AUTS2: variants seen among roughly 807,000 people sequenced by gnomAD.
AUTS2 encodes autism susceptibility gene 2 protein.
A neutral mutation model predicts 112.4 loss-of-function variants in AUTS2; 17 were observed. That is an observed-to-expected ratio of 0.15 (90% CI 0.10 to 0.23). The LOEUF is 0.23. AUTS2 is among the 10% of genes least tolerant of loss of function. The pLI is 1.00. For synonymous variants in AUTS2, 751 were observed against 702.7 expected, an observed-to-expected ratio of 1.07 and a Z score of -1.09; for missense variants, 1,510 against 1,701.6, an observed-to-expected ratio of 0.89 and a Z score of 1.98.
At chr7:70,610,277 G>A (rs965822013) in intron 5 of AUTS2, among the ~76,000 whole-genome samples, 2 of 152,000 alleles carry the variant, frequency 1.3e-5, no homozygotes, top group Admixed American at 6.6e-5. Flanking sequence ...GGGATTATAA[G>A]CATGAGCCAC....
chr7:70,606,491 G>A (rs1367493844), intron 5 of AUTS2, among the ~76,000 whole-genome samples: 2 of 152,164 alleles, frequency 1.3e-5, no homozygotes, highest in African/African-American at 2.4e-5. Context: ...GGTGAAAAAA[G>A]TAGACATGAA....
chr7:70,468,849 C>A (rs1210899376), intron 5 of AUTS2, among the ~76,000 whole-genome samples: 2 of 152,104 alleles, frequency 1.3e-5, no homozygotes, highest in Non-Finnish European at 2.9e-5. Context: ...TCCCTCTTCT[C>A]AAGGTCTTCG....
At chr7:69,734,026 A>G (rs1786919823) in intron 1 of AUTS2, among the ~76,000 whole-genome samples, 1 of 152,164 alleles carries the variant, frequency 6.6e-6, no homozygotes. Context: ...GCTCTGAGGC[A>G]AAGCTGGTAA....
At chr7:70,342,330 T>C (rs1585037394) in intron 4 of AUTS2, among the ~76,000 whole-genome samples, 1 of 152,086 alleles carries the variant, frequency 6.6e-6, no homozygotes, top group South Asian at 2.1e-4. Flanking sequence ...TTTCTTTTTT[T>C]TTTTTTGCGG....
chr7:70,310,923 A>T (rs948290925), intron 4 of AUTS2, among the ~76,000 whole-genome samples: 28 of 152,254 alleles, frequency 1.8e-4, no homozygotes, highest in African/African-American at 5.3e-4. Context: ...GGATTTTTTT[A>T]AAAAATGGCA....
chr7:69,895,052 C>T (rs1441064951), intron 1 of AUTS2, among the ~76,000 whole-genome samples: 5 of 152,100 alleles, frequency 3.3e-5, no homozygotes, highest in African/African-American at 1.2e-4. Context: ...GCCCAGGTTT[C>T]CTTAAGGAAG....
chr7:70,283,172 A>C (rs1314434567), intron 4 of AUTS2, among the ~76,000 whole-genome samples: 1 of 152,216 alleles, frequency 6.6e-6, no homozygotes, highest in African/African-American at 2.4e-5. Flanking sequence ...TTTCTGTGCA[A>C]AGTGGCTTAC....
chr7:70,030,174 G>C (rs1800709971), intron 2 of AUTS2, among the ~76,000 whole-genome samples: 1 of 152,162 alleles, frequency 6.6e-6, no homozygotes, highest in Non-Finnish European at 1.5e-5. Flanking sequence ...TGTTGTTGTG[G>C]ATAAGGCCTC....
chr7:69,828,204 A>G (rs1791338824), intron 1 of AUTS2, among the ~76,000 whole-genome samples: 3 of 151,518 alleles, frequency 2.0e-5, no homozygotes, highest in South Asian at 2.1e-4. Context: ...TTATATTTCT[A>G]CTCCTTGTCA....
intron 4 of AUTS2, among the ~76,000 whole-genome samples, chr7:70,394,849 G>A (rs1472847672): frequency 6.6e-6 from 1 of 151,998 alleles, no homozygotes; most frequent in East Asian, 1.9e-4. Context: ...AGGCCAAAGT[G>A]AGAGGATCGC....
At chr7:70,304,431 C>G (rs1377942409) in intron 4 of AUTS2, among the ~76,000 whole-genome samples, 3 of 152,112 alleles carry the variant, frequency 2.0e-5, no homozygotes, top group African/African-American at 7.2e-5. Context: ...AGTTAACTGC[C>G]CTGGATCCGA....
At chr7:70,008,770 G>A (rs910288284) in intron 2 of AUTS2, among the ~76,000 whole-genome samples, 18 of 152,092 alleles carry the variant, frequency 1.2e-4, no homozygotes, top group Non-Finnish European at 2.1e-4. Flanking sequence ...TATCACAGCC[G>A]TATCACTAAA....
At chr7:70,297,728 C>T (rs1789012261) in intron 4 of AUTS2, among the ~76,000 whole-genome samples, 1 of 152,188 alleles carries the variant, frequency 6.6e-6, no homozygotes. Flanking sequence ...GCCACCACAC[C>T]TGAACGATGA....
chr7:69,750,705 G>A (rs1360314544), intron 1 of AUTS2, among the ~76,000 whole-genome samples: 2 of 151,912 alleles, frequency 1.3e-5, no homozygotes, highest in Non-Finnish European at 2.9e-5. Flanking sequence ...CAAAGTGCTG[G>A]GTTTATAGGC....
intron 4 of AUTS2, among the ~76,000 whole-genome samples, chr7:70,347,726 A>AAATTGGAT (rs1214890587): frequency 6.6e-6 from 1 of 152,160 alleles, no homozygotes; most frequent in Non-Finnish European, 1.5e-5. Context: ...AGAAAAATAC[A>AAATTGGAT]AATTGGATGT....
At chr7:69,767,451 T>G (rs1020775897) in intron 1 of AUTS2, among the ~76,000 whole-genome samples, 30 of 152,182 alleles carry the variant, frequency 2.0e-4, no homozygotes, top group African/African-American at 6.5e-4. Context: ...GTGCTAAGAT[T>G]ATAGAGACGT....
intron 2 of AUTS2, among the ~76,000 whole-genome samples, chr7:70,116,925 G>A (rs923604270): frequency 1.3e-5 from 2 of 151,972 alleles, no homozygotes; most frequent in African/African-American, 2.4e-5. Context: ...TACATTGCTT[G>A]GTGTTTCTGA....
At chr7:70,146,205 C>T (rs1291368254) in intron 4 of AUTS2, among the ~76,000 whole-genome samples, 1 of 152,010 alleles carries the variant, frequency 6.6e-6, no homozygotes, top group African/African-American at 2.4e-5. Flanking sequence ...ATGGTTGATA[C>T]TGAAGTTTTG....
At chr7:70,553,547 C>T (rs1044135637) in intron 5 of AUTS2, among the ~76,000 whole-genome samples, 1 of 152,132 alleles carries the variant, frequency 6.6e-6, no homozygotes, top group Admixed American at 6.5e-5. Flanking sequence ...AGTGTTGACT[C>T]TGTCTTTGTA....
Sources: gnomAD v4.1 joint callset for allele counts (sites outside exome capture counted in the v4.1 genomes callset) on GRCh38, gnomAD v4.1.1 for gene constraint, MANE v1.5 for transcripts, NCBI Gene and HGNC (gene_info 2026-07-23, HGNC 2026-07-21) for gene names.